Variants in ITGA9 observed in about 807,000 individuals in gnomAD.
The protein encoded by ITGA9 is integrin subunit alpha 9.
Under a neutral mutation model 127.8 loss-of-function variants are expected in ITGA9, and 56 were observed. The observed-to-expected ratio is 0.44, with a 90% CI of 0.35 to 0.55. The LOEUF is 0.55. Among genes scored for constraint, ITGA9 ranks in the 20% least tolerant of loss-of-function variants. ITGA9 has a pLI of 0.00. For synonymous variants in ITGA9, 508 were observed against 514.5 expected, an observed-to-expected ratio of 0.99 and a Z score of 0.17; for missense variants, 1,196 against 1,347.1, an observed-to-expected ratio of 0.89 and a Z score of 1.76.
intron 3 of ITGA9, among the ~76,000 whole-genome samples, chr3:37,479,316 A>G (rs1446380824): frequency 6.6e-6 from 1 of 152,188 alleles, no homozygotes; most frequent in Non-Finnish European, 1.5e-5. Context: ...CAAGGAGAGG[A>G]GTGAATGTGG....
At chr3:37,787,189 G>A (rs1249537428) in intron 26 of ITGA9, among the ~76,000 whole-genome samples, 1 of 152,166 alleles carries the variant, frequency 6.6e-6, no homozygotes, top group Non-Finnish European at 1.5e-5. Context: ...TGCCCAACAT[G>A]AGAGGTTTAG....
intron 17 of ITGA9, among the ~76,000 whole-genome samples, chr3:37,663,582 AC>A (rs1218175064): frequency 3.3e-5 from 5 of 152,210 alleles, no homozygotes; most frequent in Admixed American, 2.0e-4. Flanking sequence ...GGATCCCCAA[AC>A]CCAGAGAGCT....
intron 17 of ITGA9, among the ~76,000 whole-genome samples, chr3:37,668,488 A>G (rs1700606453): frequency 6.6e-6 from 1 of 152,120 alleles, no homozygotes; most frequent in Admixed American, 6.6e-5. Flanking sequence ...GTAGCCCCGA[A>G]TCCCTCCCTT....
rs570138966 is a variant in ITGA9, at chr3:37,508,776, C to G, written c.897+149C>G. 69 of 702,982 alleles carry G rather than the reference C, an allele frequency of 9.8e-5. No individual in the cohort carries two copies. In the African/African-American group the frequency reaches 1.1e-3, roughly 11 times the overall value. 43.5% of individuals were successfully genotyped at this position (702,982 alleles called of 1,614,324 possible). A position where few individuals can be genotyped will look rare whatever the true frequency, so the allele number is the denominator to read the frequency against. On this transcript the variant is annotated intron_variant, in intron 8 of 27. Transcript: ENST00000264741. ...CTGCTTGTTGGTGTCTTTACCTTCT[C>G]AGCGGTATGTGTAATCTGTACATTC... is the stretch of plus-strand genomic sequence containing the variant.
intron 16 of ITGA9, among the ~76,000 whole-genome samples, chr3:37,644,390 G>A (rs954687661): frequency 3.3e-5 from 5 of 152,142 alleles, no homozygotes; most frequent in Non-Finnish European, 5.9e-5. Flanking sequence ...TAAATAATGT[G>A]TCCACATAGA....
chr3:37,809,470 C>T (rs1053276304), intron 27 of ITGA9, among the ~76,000 whole-genome samples: 2 of 152,118 alleles, frequency 1.3e-5, no homozygotes, highest in South Asian at 4.1e-4. Context: ...ATCTCTCTCC[C>T]ATAGTGTCAT....
intron 15 of ITGA9, among the ~76,000 whole-genome samples, chr3:37,588,494 C>A (rs1028053964): frequency 1.3e-5 from 2 of 152,162 alleles, no homozygotes; most frequent in African/African-American, 4.8e-5. Context: ...GGGGACAAAC[C>A]CTGGAGTAGA....
Position 37,790,010 on chromosome 3 carries a change from G to A in ITGA9, c.2889+4932G>A, listed in dbSNP as rs897605940. The A allele has an allele frequency of 1.9e-4, 112 of 591,760 alleles. 1 individual carries two copies. The Admixed American group carries it at 2.3e-3, about 12-fold the overall frequency. 36.7% of individuals were successfully genotyped at this position (591,760 alleles called of 1,614,324 possible). On this transcript the variant is annotated intron_variant, in intron 26 of 27. Coordinates refer to ENST00000264741, the MANE Select transcript of ITGA9 (RefSeq NM_002207.3). ...TTAAGAAGGGAATTCACATCTTTCT[G>A]TTCTAATTGGTATTCTTGCGCTATT...
At chr3:37,459,167 G>A (rs199279) in intron 1 of ITGA9, among the ~76,000 whole-genome samples, 123,700 of 152,142 alleles carry the variant, frequency 0.81, 50,806 homozygotes, top group Middle Eastern at 0.89. Context: ...AGCAGCAACA[G>A]TGTATCTGAA....
intron 8 of ITGA9, among the ~76,000 whole-genome samples, chr3:37,511,803 G>A (rs1437436500): frequency 6.6e-6 from 1 of 152,132 alleles, no homozygotes; most frequent in African/African-American, 2.4e-5. Flanking sequence ...GACCCTGTTA[G>A]CTGCAGGAAA....
chr3:37,810,320 G>C (rs139209240), intron 27 of ITGA9, among the ~76,000 whole-genome samples: 173 of 152,338 alleles, frequency 1.1e-3, no homozygotes, highest in African/African-American at 4.0e-3. Flanking sequence ...TTGCAAGATG[G>C]CCAGCACCTT....
intron 20 of ITGA9, among the ~76,000 whole-genome samples, 172 bp from the exon 21 acceptor site, chr3:37,741,558 C>A (rs1265658885): frequency 1.3e-5 from 2 of 152,196 alleles, no homozygotes; most frequent in Non-Finnish European, 2.9e-5. Flanking sequence ...ACAACCAAGA[C>A]AATAGAGTGC....
intron 12 of ITGA9, 130 bp from the exon 13 acceptor site, chr3:37,525,896 C>T: frequency 1.3e-6 from 1 of 767,140 alleles, no homozygotes; most frequent in African/African-American, 1.7e-5. Context: ...CATTGTATAG[C>T]CCAGACAGTG....
intron 18 of ITGA9, among the ~76,000 whole-genome samples, chr3:37,709,190 C>G (rs141451910): frequency 1.3e-5 from 2 of 152,236 alleles, no homozygotes; most frequent in East Asian, 3.9e-4. Flanking sequence ...AGGACCATAC[C>G]TGAGACATAG....
At chr3:37,484,232 A>T (rs186895677) in intron 4 of ITGA9, among the ~76,000 whole-genome samples, 1 of 152,324 alleles carries the variant, frequency 6.6e-6, no homozygotes, top group Non-Finnish European at 1.5e-5. Context: ...GTGTAAGAGC[A>T]GCCCCTTAGA....
At chr3:37,736,868 C>A in intron 19 of ITGA9, 36 bp from the exon 20 acceptor site, 4 of 1,372,214 alleles carry the variant, frequency 2.9e-6, no homozygotes, top group African/African-American at 1.4e-5. Context: ...GTTTGGAATG[C>A]CTGCTGATGC....
chr3:37,683,765 T>C, intron 17 of ITGA9, 100 bp from the exon 18 acceptor site: 5 of 1,218,342 alleles, frequency 4.1e-6, no homozygotes, highest in Non-Finnish European at 6.0e-6. Flanking sequence ...CTTGTAGTTC[T>C]GATCTCGGTT....
At chr3:37,643,758 G>A (rs1335870623) in intron 16 of ITGA9, among the ~76,000 whole-genome samples, 4 of 152,120 alleles carry the variant, frequency 2.6e-5, no homozygotes, top group Non-Finnish European at 4.4e-5. Context: ...CAAGTACAAG[G>A]CCCTTGCTGT....
chr3:37,748,932 G>T, intron 22 of ITGA9: 1 of 711,602 alleles, frequency 1.4e-6, no homozygotes, highest in Non-Finnish European at 2.5e-6. Flanking sequence ...AAGACCTCTG[G>T]ACTGTTTAAA....
Sources: allele counts gnomAD v4.1 joint callset (sites outside exome capture counted in the v4.1 genomes callset), GRCh38; gene constraint gnomAD v4.1.1; transcripts MANE v1.5; gene names NCBI Gene and HGNC (gene_info 2026-07-23, HGNC 2026-07-21).